The following RGS6 variants were observed in gnomAD, a reference collection of about 807,000 sequenced individuals.
The protein encoded by RGS6 is regulator of G-protein signaling 6.
RGS6 carries 30 observed loss-of-function variants against 78.5 expected under a neutral mutation model. The ratio of observed to expected loss-of-function variants is 0.38; its 90% CI spans 0.29 to 0.52. The LOEUF is 0.52. RGS6 is among the 20% of genes least tolerant of loss of function. The pLI is 0.85. For synonymous variants in RGS6, 206 were observed against 206.0 expected, an observed-to-expected ratio of 1.00 and a Z score of 0.00; for missense variants, 495 against 609.7, an observed-to-expected ratio of 0.81 and a Z score of 1.98.
intron 2 of RGS6, among the ~76,000 whole-genome samples, chr14:72,046,305 T>A (rs535531876): frequency 6.6e-6 from 1 of 152,130 alleles, no homozygotes; most frequent in African/African-American, 2.4e-5. Context: ...CATTTTATTT[T>A]CATTGCTTTT....
the RGS6 span, among the ~76,000 whole-genome samples, chr14:72,572,035 C>A: frequency 6.6e-6 from 1 of 151,838 alleles, no homozygotes; most frequent in Non-Finnish European, 1.5e-5. Context: ...ACACAAATAA[C>A]CAACAAGCAC....
chr14:72,138,241 T>G (rs1205315258), intron 2 of RGS6, among the ~76,000 whole-genome samples: 1 of 152,122 alleles, frequency 6.6e-6, no homozygotes, highest in East Asian at 1.9e-4. Flanking sequence ...CATCACCTGT[T>G]ATTGAAAACC....
intron 12 of RGS6, among the ~76,000 whole-genome samples, chr14:72,488,019 C>A (rs1566964639): frequency 1.3e-5 from 2 of 152,214 alleles, no homozygotes; most frequent in Non-Finnish European, 2.9e-5. Flanking sequence ...TCAATACTTC[C>A]TTTTCCCATC....
chr14:72,033,866 C>G (rs553355515), intron 2 of RGS6, among the ~76,000 whole-genome samples: 3 of 152,228 alleles, frequency 2.0e-5, no homozygotes, highest in African/African-American at 2.4e-5. Flanking sequence ...CAGCAGTGTA[C>G]AAGGGTTCCA....
intron 2 of RGS6, among the ~76,000 whole-genome samples, chr14:71,969,086 G>A (rs1003533539): frequency 1.6e-4 from 25 of 152,046 alleles, no homozygotes; most frequent in Admixed American, 6.6e-5. Flanking sequence ...TTGGTTTTTT[G>A]TTCTTGCAAT....
At chr14:72,201,599 T>C (rs2041603300) in intron 2 of RGS6, among the ~76,000 whole-genome samples, 1 of 152,180 alleles carries the variant, frequency 6.6e-6, no homozygotes, top group Non-Finnish European at 1.5e-5. Context: ...TTTGGGTATG[T>C]TCAAATTATA....
chr14:72,413,797 G>A (rs897270038), intron 3 of RGS6, among the ~76,000 whole-genome samples: 4 of 152,174 alleles, frequency 2.6e-5, no homozygotes, highest in African/African-American at 9.7e-5. Context: ...TTGCTTGTCT[G>A]TAAAGTATTT....
intron 1 of RGS6, among the ~76,000 whole-genome samples, chr14:71,955,909 A>G (rs990977175): frequency 1.3e-5 from 2 of 152,162 alleles, no homozygotes; most frequent in Non-Finnish European, 2.9e-5. Context: ...CCCATAAGAA[A>G]AAGGAAGATG....
In RGS6 at chr14:72,405,986, G is replaced by T. The variant is rs188649855; in HGVS notation, c.185-48542G>T. On this transcript the variant is annotated intron_variant, in intron 3 of 17. Coordinates refer to ENST00000553525, the MANE Select transcript of RGS6 (RefSeq NM_001204424.2). ...CTCCAGGATTGCTGGGGCTGTCTGC[G>T]TCCAGATGTTAAGGTTACTGTAGAC... is the stretch of plus-strand genomic sequence containing the variant. Among the ~76,000 whole-genome samples, 7 of 152,316 alleles carry T rather than the reference G, an allele frequency of 4.6e-5. No individual in the cohort carries two copies. In the East Asian group the frequency reaches 1.3e-3, roughly 29 times the overall value.
intron 3 of RGS6, among the ~76,000 whole-genome samples, chr14:72,425,320 G>A (rs1245003338): frequency 2.0e-5 from 3 of 152,066 alleles, no homozygotes; most frequent in Non-Finnish European, 4.4e-5. Flanking sequence ...TGTAATTTTA[G>A]TAGAGACGGG....
intron 2 of RGS6, among the ~76,000 whole-genome samples, chr14:72,245,508 A>G (rs1412071326): frequency 6.6e-6 from 1 of 152,244 alleles, no homozygotes; most frequent in Non-Finnish European, 1.5e-5. Flanking sequence ...CACGCCCTTA[A>G]GACACAGATT....
chr14:72,324,318 A>T (rs1025933992), intron 2 of RGS6, among the ~76,000 whole-genome samples: 2 of 152,222 alleles, frequency 1.3e-5, no homozygotes, highest in Non-Finnish European at 2.9e-5. Flanking sequence ...CCATAAACAA[A>T]ATCAGAAAAT....
chr14:72,344,555 A>C (rs1048651869), intron 2 of RGS6, among the ~76,000 whole-genome samples: 6 of 152,216 alleles, frequency 3.9e-5, no homozygotes, highest in Non-Finnish European at 7.3e-5. Flanking sequence ...AGTCCCACTG[A>C]ATGCTGGAAT....
At chr14:72,023,558 C>G (rs2089195434) in intron 2 of RGS6, among the ~76,000 whole-genome samples, 1 of 152,208 alleles carries the variant, frequency 6.6e-6, no homozygotes, top group Non-Finnish European at 1.5e-5. Context: ...GAACGTTTCT[C>G]TTAATCCACT....
At chr14:72,604,384 T>A in the RGS6 span, among the ~76,000 whole-genome samples, 1 of 152,222 alleles carries the variant, frequency 6.6e-6, no homozygotes, top group African/African-American at 2.4e-5. Context: ...TCTGCTCCAA[T>A]GCACCTCCTC....
intron 2 of RGS6, among the ~76,000 whole-genome samples, chr14:72,077,946 C>G (rs920355089): frequency 6.6e-6 from 1 of 152,058 alleles, no homozygotes; most frequent in Non-Finnish European, 1.5e-5. Context: ...AGAATAGTAC[C>G]AAAATTCTCA....
At chr14:72,498,937 G>A (rs372046062) in intron 13 of RGS6, among the ~76,000 whole-genome samples, 2 of 152,254 alleles carry the variant, frequency 1.3e-5, no homozygotes, top group African/African-American at 2.4e-5. Flanking sequence ...TCTGGGTCCC[G>A]GGTATGTGGT....
At chr14:72,216,560 T>A (rs1203237861) in intron 2 of RGS6, among the ~76,000 whole-genome samples, 1 of 152,244 alleles carries the variant, frequency 6.6e-6, no homozygotes, top group African/African-American at 2.4e-5. Flanking sequence ...AAAGATCATT[T>A]CACTAACATG....
intron 2 of RGS6, among the ~76,000 whole-genome samples, chr14:72,255,821 A>G (rs2056960725): frequency 6.6e-6 from 1 of 152,260 alleles, no homozygotes; most frequent in Non-Finnish European, 1.5e-5. Flanking sequence ...ACTAAATAGA[A>G]GTTTCTCACA....
Sources: allele counts gnomAD v4.1 joint callset (sites outside exome capture counted in the v4.1 genomes callset), GRCh38; gene constraint gnomAD v4.1.1; transcripts MANE v1.5; gene names NCBI Gene and HGNC (gene_info 2026-07-23, HGNC 2026-07-21).